Variants in L3MBTL4 observed in about 807,000 individuals in gnomAD.
The protein encoded by L3MBTL4 is L3MBTL histone methyl-lysine binding protein 4, also known as lethal(3)malignant brain tumor-like protein 4.
A neutral mutation model predicts 84.5 loss-of-function variants in L3MBTL4; 70 were observed. That is an observed-to-expected ratio of 0.83 (90% CI 0.68 to 1.01). The LOEUF is 1.01. Among genes scored for constraint, L3MBTL4 ranks in the 50% least tolerant of loss-of-function variants. The pLI, the probability that L3MBTL4 is intolerant of heterozygous loss-of-function variation, is 0.00. For missense variants in L3MBTL4, 715 were observed against 754.8 expected (o/e 0.95, Z 0.62); for synonymous variants, 274 against 259.8 (o/e 1.05, Z -0.52).
At chr18:6,114,905 G>T (rs2059309870) in intron 14 of L3MBTL4, among the ~76,000 whole-genome samples, 1 of 152,178 alleles carries the variant, frequency 6.6e-6, no homozygotes. Flanking sequence ...TAGGGGTGGA[G>T]ACACAGTGCT....
At chr18:6,362,860 G>A (rs1329734243) in intron 1 of L3MBTL4, among the ~76,000 whole-genome samples, 1 of 152,216 alleles carries the variant, frequency 6.6e-6, no homozygotes, top group Non-Finnish European at 1.5e-5. Context: ...CCAAATCCCA[G>A]GCTGTACTGG....
chr18:6,204,246 C>T (rs1020652027), intron 12 of L3MBTL4, among the ~76,000 whole-genome samples: 5 of 152,212 alleles, frequency 3.3e-5, no homozygotes, highest in African/African-American at 4.8e-5. Flanking sequence ...TAGCACTGGC[C>T]GTGCCAAGAA....
chr18:6,199,538 A>G (rs2045560472), intron 12 of L3MBTL4, among the ~76,000 whole-genome samples: 1 of 152,218 alleles, frequency 6.6e-6, no homozygotes, highest in South Asian at 2.1e-4. Flanking sequence ...AGTAGTACAT[A>G]TAAGTAGAAT....
intron 14 of L3MBTL4, among the ~76,000 whole-genome samples, chr18:6,132,075 C>T (rs1034453561): frequency 6.6e-6 from 1 of 152,174 alleles, no homozygotes; most frequent in South Asian, 2.1e-4. Context: ...CCAATGATAC[C>T]CTTTCAGCCA....
rs779523685 is a variant in L3MBTL4 at position 6,118,993 on chromosome 18, CTTTTTTTT to C, written c.1199+19193_1199+19200del. Among the ~76,000 whole-genome samples, 167 of 83,718 alleles carry C rather than the reference CTTTTTTTT, an allele frequency of 2.0e-3. No individual in the cohort carries two copies. The East Asian group carries it at 0.035, about 17-fold the overall frequency. The allele number at this position is 83,718 out of a possible 152,430, so 54.9% of individuals were successfully genotyped here. ...GATTTGGCACAGTTTTTTTTGGTTT[CTTTTTTTT>C]TTTTTTTTTTTTTTTTTGACTAGAA... On this transcript the variant is annotated intron_variant, in intron 14 of 18. Transcript: ENST00000317931.
At chr18:6,094,180 T>A (rs114006132) in intron 14 of L3MBTL4, among the ~76,000 whole-genome samples, 36 of 152,258 alleles carry the variant, frequency 2.4e-4, no homozygotes, top group African/African-American at 8.7e-4. Flanking sequence ...GGCAGAAGGA[T>A]CTGCCAGGGC....
At chr18:6,125,124 T>C (rs1045970634) in intron 14 of L3MBTL4, among the ~76,000 whole-genome samples, 1 of 151,546 alleles carries the variant, frequency 6.6e-6, no homozygotes, top group Non-Finnish European at 1.5e-5. Context: ...GGTGGATAGA[T>C]GCTCTTACTC....
At chr18:6,172,746 T>TTAA (rs2044038292) in intron 12 of L3MBTL4, among the ~76,000 whole-genome samples, 1 of 152,208 alleles carries the variant, frequency 6.6e-6, no homozygotes, top group African/African-American at 2.4e-5. Flanking sequence ...AATAATTATT[T>TTAA]CTTTTAAAAA....
chr18:6,305,247 G>T (rs1343471701), intron 3 of L3MBTL4, among the ~76,000 whole-genome samples: 1 of 152,204 alleles, frequency 6.6e-6, no homozygotes, highest in Non-Finnish European at 1.5e-5. Context: ...TTTAGGGCTA[G>T]GTGACCTAAG....
chr18:6,288,459 G>T (rs2049696701), intron 4 of L3MBTL4, among the ~76,000 whole-genome samples: 1 of 152,106 alleles, frequency 6.6e-6, no homozygotes, highest in Admixed American at 6.5e-5. Context: ...CTTCAAAATT[G>T]TCAACATATA....
chr18:6,225,307 T>C lies in L3MBTL4; in HGVS notation c.785-9472A>G, dbSNP rs183886664. On this transcript the variant is annotated intron_variant, in intron 10 of 18. Transcript: ENST00000317931. ...AATCAGCTTACATTTTAGTAAAGAC[T>C]TAAAGGCCAAGTGGGGCTAGCCTGT... Among the ~76,000 whole-genome samples, 196 of 152,330 alleles carry C rather than the reference T, an allele frequency of 1.3e-3. 2 individuals carry two copies. In the South Asian group the frequency reaches 0.016, roughly 12 times the overall value.
At chr18:6,363,104 CACAG>C (rs1568556467) in intron 1 of L3MBTL4, among the ~76,000 whole-genome samples, 2 of 152,150 alleles carry the variant, frequency 1.3e-5, no homozygotes, top group Non-Finnish European at 2.9e-5. Flanking sequence ...AAATGCTAGA[CACAG>C]ACATTCTTCT....
chr18:6,370,665 G>A (rs1202004763), intron 1 of L3MBTL4, among the ~76,000 whole-genome samples: 1 of 152,180 alleles, frequency 6.6e-6, no homozygotes, highest in Non-Finnish European at 1.5e-5. Context: ...ATGATTCAAA[G>A]GTTTGGCGGT....
At chr18:6,213,103 G>A (rs752190809) in intron 12 of L3MBTL4, 46 bp downstream of exon 12, 1 of 1,083,898 alleles carries the variant, frequency 9.2e-7, no homozygotes, top group Admixed American at 2.5e-5. Flanking sequence ...CAAAAGTAAT[G>A]TAGGAAAAAT....
chr18:6,023,107 G>A (rs990834009), intron 16 of L3MBTL4, among the ~76,000 whole-genome samples: 8 of 152,228 alleles, frequency 5.3e-5, no homozygotes, highest in Non-Finnish European at 1.2e-4. Flanking sequence ...TCAATACAGT[G>A]AGGTCGCTCC....
At chr18:6,178,622 ACAAAGGTCAGATCACTGAATCAAC>A (rs1459860833) in intron 12 of L3MBTL4, among the ~76,000 whole-genome samples, 10 of 152,364 alleles carry the variant, frequency 6.6e-5, no homozygotes, top group African/African-American at 2.4e-4. Context: ...AAACTAGAAA[ACAAAGGTCAGATCACTGAATCAAC>A]CACTGTCTCA....
intron 16 of L3MBTL4, among the ~76,000 whole-genome samples, chr18:6,021,154 A>G (rs949082052): frequency 3.9e-5 from 6 of 152,176 alleles, no homozygotes; most frequent in African/African-American, 1.4e-4. Flanking sequence ...CCCTGGACAC[A>G]GTCCTCGAGT....
intron 13 of L3MBTL4, among the ~76,000 whole-genome samples, chr18:6,150,367 G>A (rs2042840256): frequency 6.6e-6 from 1 of 151,966 alleles, no homozygotes; most frequent in South Asian, 2.1e-4. Context: ...AAGTTCTCAT[G>A]ACCAGTAAGC....
chr18:6,021,124 C>T (rs2055230251), intron 16 of L3MBTL4, among the ~76,000 whole-genome samples: 1 of 152,192 alleles, frequency 6.6e-6, no homozygotes, highest in Non-Finnish European at 1.5e-5. Context: ...CAACGCTTTT[C>T]CACGGTCAAG....
Sources: allele counts gnomAD v4.1 joint callset (sites outside exome capture counted in the v4.1 genomes callset), GRCh38; gene constraint gnomAD v4.1.1; transcripts MANE v1.5; gene names NCBI Gene and HGNC (gene_info 2026-07-23, HGNC 2026-07-21).